The following PRR5L variants were observed in gnomAD, a reference collection of about 807,000 sequenced individuals.
PRR5L encodes proline rich 5 like.
Under a neutral mutation model 36.4 loss-of-function variants are expected in PRR5L, and 21 were observed. That is an observed-to-expected ratio of 0.58 (90% CI 0.41 to 0.83). The LOEUF (loss-of-function observed/expected upper bound fraction) is 0.83. Ranked by LOEUF, PRR5L falls within the 40% of genes least tolerant of loss-of-function variation. The probability of loss-of-function intolerance (pLI) is 0.00; values close to 1 mark genes in which losing one functional copy is unlikely to be tolerated. For missense variants in PRR5L, 381 were observed against 473.3 expected (o/e 0.80, Z 1.81); for synonymous variants, 188 against 197.0 (o/e 0.95, Z 0.38).
intron 1 of PRR5L, among the ~76,000 whole-genome samples, chr11:36,383,997 A>G (rs1261532488): frequency 2.0e-5 from 3 of 151,758 alleles, no homozygotes; most frequent in African/African-American, 7.3e-5. Context: ...ATTCCCTTTT[A>G]TTATTATATT....
At chr11:36,387,864 C>T (rs368463607) in intron 1 of PRR5L, among the ~76,000 whole-genome samples, 9 of 152,290 alleles carry the variant, frequency 5.9e-5, no homozygotes, top group African/African-American at 2.2e-4. Flanking sequence ...TGCTGGTTGG[C>T]CTGGTGAATT....
intron 8 of PRR5L, 63 bp downstream of exon 8, chr11:36,451,398 C>T (rs1858942301): frequency 1.9e-6 from 3 of 1,589,406 alleles, no homozygotes; most frequent in Non-Finnish European, 2.6e-6. Flanking sequence ...CACTGTTTAA[C>T]TGAGCACTGT....
intron 3 of PRR5L, among the ~76,000 whole-genome samples, chr11:36,406,868 C>A (rs1310442304): frequency 6.6e-6 from 1 of 152,154 alleles, no homozygotes; most frequent in South Asian, 2.1e-4. Flanking sequence ...CCAAAGAGAG[C>A]AGTTTCTGGA....
intron 1 of PRR5L, among the ~76,000 whole-genome samples, chr11:36,387,546 T>G (rs2133537226): frequency 6.6e-6 from 1 of 152,262 alleles, no homozygotes; most frequent in Non-Finnish European, 1.5e-5. Context: ...TGTATTGTGT[T>G]AGGGTATCAG....
intron 1 of PRR5L, among the ~76,000 whole-genome samples, chr11:36,391,973 C>T (rs1045147507): frequency 3.3e-5 from 5 of 152,196 alleles, no homozygotes; most frequent in African/African-American, 1.2e-4. Flanking sequence ...ACCACAACTA[C>T]CCCTTCCAAG....
rs1299888521 is a variant in PRR5L, at chr11:36,344,233, C to A, written c.-126+47795C>A. ...AAACTCTGTCTCAAAAAAAAAAAAT[C>A]ACATGCTCATAGAAAAATCAGAAAA... On this transcript the variant is annotated intron_variant, in intron 1 of 8. Coordinates refer to ENST00000530639, the MANE Select transcript of PRR5L (RefSeq NM_001160167.2). The surrounding 1 kb of genome is among the most constrained non-coding windows in gnomAD (Gnocchi z 4.1). 2.0e-5 allele frequency among the ~76,000 whole-genome samples: 3 copies of A among 151,818 alleles called. No individual in the cohort carries two copies. The highest frequency in any genetic ancestry group is 4.2e-4 in the South Asian group (2 of 4,808).
chr11:36,331,406 TTGA>T (rs1235956328), intron 1 of PRR5L, among the ~76,000 whole-genome samples: 1 of 152,204 alleles, frequency 6.6e-6, no homozygotes, highest in Non-Finnish European at 1.5e-5. Flanking sequence ...GTTTGAACAC[TTGA>T]TGAAATAGAA....
chr11:36,456,377 T>C (rs1859059098), intron 8 of PRR5L, among the ~76,000 whole-genome samples: 1 of 152,128 alleles, frequency 6.6e-6, no homozygotes, highest in Admixed American at 6.5e-5. Flanking sequence ...GCTTGCTCGT[T>C]GAGAGCAGGG....
chr11:36,460,791 T>C (rs1301550360), intron 8 of PRR5L, among the ~76,000 whole-genome samples: 1 of 152,240 alleles, frequency 6.6e-6, no homozygotes, highest in Non-Finnish European at 1.5e-5. Context: ...TGTGACCTGG[T>C]ACCACAGGTG....
intron 1 of PRR5L, among the ~76,000 whole-genome samples, chr11:36,301,413 G>A (rs555114856): frequency 3.9e-5 from 6 of 152,304 alleles, no homozygotes; most frequent in East Asian, 3.9e-4. Flanking sequence ...GGGCAGAACC[G>A]AAGCCCTGGC....
intron 6 of PRR5L, 142 bp from the exon 7 acceptor site, chr11:36,446,158 C>T: frequency 1.1e-6 from 1 of 882,426 alleles, no homozygotes; most frequent in Non-Finnish European, 1.7e-6. Flanking sequence ...GTCTTTGGCT[C>T]TTTGAAAGAC....
At chr11:36,442,427 C>T (rs1157424814) in intron 6 of PRR5L, among the ~76,000 whole-genome samples, 1 of 152,112 alleles carries the variant, frequency 6.6e-6, no homozygotes, top group East Asian at 1.9e-4. Flanking sequence ...CTACAACCTC[C>T]ACCTCCTGGG....
intron 1 of PRR5L, among the ~76,000 whole-genome samples, chr11:36,339,239 G>A (rs1272366736): frequency 6.6e-6 from 1 of 152,124 alleles, no homozygotes; most frequent in Non-Finnish European, 1.5e-5. Context: ...GATTACAGGC[G>A]CCGGCCACCA....
At chr11:36,458,306 C>T (rs1418850549) in intron 8 of PRR5L, among the ~76,000 whole-genome samples, 1 of 152,164 alleles carries the variant, frequency 6.6e-6, no homozygotes, top group Admixed American at 6.5e-5. Flanking sequence ...TGGGCACTGC[C>T]ATCTAGAACC....
intron 8 of PRR5L, among the ~76,000 whole-genome samples, chr11:36,461,783 AC>A (rs1456351624): frequency 5.3e-5 from 8 of 152,084 alleles, no homozygotes; most frequent in Admixed American, 1.3e-4. Context: ...GAGACCCTTC[AC>A]CTGGCAGGAG....
At chr11:36,359,341 GGA>G (rs545809448) in intron 1 of PRR5L, among the ~76,000 whole-genome samples, 1 of 152,156 alleles carries the variant, frequency 6.6e-6, no homozygotes, top group Non-Finnish European at 1.5e-5. Context: ...CTTCGGTGTT[GGA>G]GAGAGAGGTG....
In PRR5L at chr11:36,351,600, T is replaced by C. The variant is rs1167534198; in HGVS notation, c.-125-49397T>C. 2.8e-3 allele frequency among the ~76,000 whole-genome samples: 31 copies of C among 10,948 alleles called. 9 individuals are homozygous for C. The highest frequency in any genetic ancestry group is 0.011 in the African/African-American group (24 of 2,254). 7.2% of individuals were successfully genotyped at this position (10,948 alleles called of 152,430 possible). A position where few individuals can be genotyped will look rare whatever the true frequency, so the allele number is the denominator to read the frequency against. ...ATAAATATATATTTATATATTTATA[T>C]AAATATATATTTATATATTTATATA... On this transcript the variant is annotated intron_variant, in intron 1 of 8. Transcript: ENST00000530639.
intron 5 of PRR5L, among the ~76,000 whole-genome samples, chr11:36,433,913 G>C (rs1858553316): frequency 1.3e-5 from 2 of 152,198 alleles, no homozygotes; most frequent in Admixed American, 1.3e-4. Context: ...GGAGGGAAAG[G>C]AAACATTATC....
intron 1 of PRR5L, among the ~76,000 whole-genome samples, chr11:36,390,120 G>T (rs1287163500): frequency 1.3e-5 from 2 of 152,190 alleles, no homozygotes; most frequent in African/African-American, 2.4e-5. Flanking sequence ...TATTAAGGCA[G>T]ATTATGACAA....
Sources: gnomAD v4.1 joint callset for allele counts (sites outside exome capture counted in the v4.1 genomes callset) on GRCh38, gnomAD v4.1.1 for gene constraint, Gnocchi (gnomAD v3.1) non-coding constraint, MANE v1.5 for transcripts, NCBI Gene and HGNC (gene_info 2026-07-23, HGNC 2026-07-21) for gene names.